RNF13: variants seen among roughly 807,000 people sequenced by gnomAD.
RNF13 encodes ring finger protein 13, also known as E3 ubiquitin-protein ligase RNF13.
In RNF13, 19 loss-of-function variants were observed where a neutral mutation model predicts 37.7. The ratio of observed to expected loss-of-function variants is 0.50; its 90% CI spans 0.35 to 0.74. The LOEUF (loss-of-function observed/expected upper bound fraction) is 0.74. Ranked by LOEUF, RNF13 falls within the 30% of genes least tolerant of loss-of-function variation. The pLI, the probability that RNF13 is intolerant of heterozygous loss-of-function variation, is 0.01. For synonymous variants in RNF13, 144 were observed against 157.8 expected, an observed-to-expected ratio of 0.91 and a Z score of 0.65; for missense variants, 375 against 453.0, an observed-to-expected ratio of 0.83 and a Z score of 1.56.
At chr3:149,888,151 A>C (rs1039784581) in intron 4 of RNF13, among the ~76,000 whole-genome samples, 4 of 152,188 alleles carry the variant, frequency 2.6e-5, no homozygotes, top group Non-Finnish European at 5.9e-5. Context: ...TTCTACTTCT[A>C]TTCTTATTAG....
chr3:149,838,370 C>G (rs1721844184), intron 1 of RNF13, among the ~76,000 whole-genome samples: 1 of 152,238 alleles, frequency 6.6e-6, no homozygotes, highest in Non-Finnish European at 1.5e-5. Context: ...CCATATTTCT[C>G]TTCCACACTG....
Position 149,871,999 on chromosome 3 carries a change from G to A in RNF13, c.196-30G>A, listed in dbSNP as rs771492127. 17 of 1,562,452 alleles carry A rather than the reference G, an allele frequency of 1.1e-5. No homozygotes were observed. In the Admixed American group the frequency reaches 3.2e-4, roughly 29 times the overall value. On this transcript the variant is annotated intron_variant, in intron 3 of 9. Transcript: ENST00000392894. ...GTTGATTGATTTACTGAGTGAAACA[G>A]AGAGATAATTTTTACCAATTCTTTT...
chr3:149,896,189 C>G (rs1715241660), intron 5 of RNF13, among the ~76,000 whole-genome samples: 1 of 152,142 alleles, frequency 6.6e-6, no homozygotes, highest in Admixed American at 6.5e-5. Context: ...TTTATCAAAA[C>G]CTTTCTAATT....
rs763791122 is a variant in RNF13 at position 149,852,535 on chromosome 3, C to G, written c.134C>G (p.Ser45Cys). 1.9e-6 allele frequency: 3 copies of G among 1,551,338 alleles called. No homozygotes were observed. The highest frequency in any genetic ancestry group is 2.5e-5 in the South Asian group (2 of 80,458). The stretch of plus-strand genomic sequence containing the variant: ...TTTTAGTATAACTTTGAAAATGCAT[C>G]TCAGACATTTGATGACCTCCCTGCA... ...DILAYNFENA[S>C]QTFDDLPARF... Residue 45 changes from serine to cysteine, a missense_variant, in exon 3 of 10, where the codon TCT becomes TGT. Coordinates refer to ENST00000392894, the MANE Select transcript of RNF13 (RefSeq NM_183381.3).
In RNF13 at chr3:149,926,953, G is replaced by T. The variant is rs190029852; in HGVS notation, c.700+5726G>T. On this transcript the variant is annotated intron_variant, in intron 8 of 9. Transcript: ENST00000392894. The stretch of plus-strand genomic sequence containing the variant: ...TAAAGGTAAAAATCGAATTGTCAAG[G>T]CCACCCCACCTCCAAATATATGCAC... 1.1e-4 allele frequency among the ~76,000 whole-genome samples: 17 copies of T among 152,018 alleles called. 1 individual carries two copies. In the East Asian group the frequency reaches 3.3e-3, roughly 29 times the overall value.
intron 4 of RNF13, among the ~76,000 whole-genome samples, chr3:149,886,194 GATACCTTTGTCTCTT>G (rs1454645109): frequency 6.6e-6 from 1 of 152,106 alleles, no homozygotes; most frequent in Non-Finnish European, 1.5e-5. Flanking sequence ...TTTTGCTGAG[GATACCTTTGTCTCTT>G]CTTGGTCTTT....
At chr3:149,892,259 G>A (rs1576832655) in intron 4 of RNF13, among the ~76,000 whole-genome samples, 1 of 152,144 alleles carries the variant, frequency 6.6e-6, no homozygotes, top group East Asian at 1.9e-4. Flanking sequence ...AGAAACAAGT[G>A]CATTTTGGAT....
At chr3:149,943,063 G>A (rs559971271) in intron 8 of RNF13, among the ~76,000 whole-genome samples, 1 of 152,106 alleles carries the variant, frequency 6.6e-6, no homozygotes, top group African/African-American at 2.4e-5. Flanking sequence ...TCCTTTTAAT[G>A]TACTGTTGAA....
At chr3:149,861,211 A>G (rs915329976) in intron 3 of RNF13, among the ~76,000 whole-genome samples, 2 of 152,060 alleles carry the variant, frequency 1.3e-5, no homozygotes, top group African/African-American at 4.8e-5. Flanking sequence ...AGATTTAAAA[A>G]AAAAAACTTA....
At chr3:149,954,233 C>T (rs191030673) in intron 8 of RNF13, among the ~76,000 whole-genome samples, 2 of 151,968 alleles carry the variant, frequency 1.3e-5, no homozygotes, top group Non-Finnish European at 2.9e-5. Flanking sequence ...GCAATTTTCT[C>T]CTTATTGCAT....
At chr3:149,853,665 A>T (rs1227157430) in intron 3 of RNF13, among the ~76,000 whole-genome samples, 2 of 137,300 alleles carry the variant, frequency 1.5e-5, no homozygotes, top group Non-Finnish European at 3.1e-5. Context: ...AAGATTTCAA[A>T]AGTTTTGTTT....
intron 3 of RNF13, among the ~76,000 whole-genome samples, chr3:149,860,270 A>AAAAATATATATAT (rs1302318768): frequency 9.6e-6 from 1 of 104,116 alleles, no homozygotes; most frequent in African/African-American, 4.2e-5. Context: ...AAAAAAAAAA[A>AAAAATATATATAT]ATATATATAT....
intron 8 of RNF13, among the ~76,000 whole-genome samples, chr3:149,945,732 A>G (rs920927883): frequency 4.8e-4 from 73 of 152,284 alleles, no homozygotes; most frequent in African/African-American, 1.8e-3. Context: ...CTGGAGGAAC[A>G]ATCTGGCAGC....
chr3:149,861,989 T>C (rs6762307), intron 3 of RNF13, among the ~76,000 whole-genome samples: 25,996 of 152,010 alleles, frequency 0.17, 3,178 homozygotes, highest in African/African-American at 0.34. Flanking sequence ...TAATGGTAGA[T>C]GTTTGGGTAC....
At chr3:149,939,831 G>A in intron 8 of RNF13, 1 of 530,208 alleles carries the variant, frequency 1.9e-6, no homozygotes, top group South Asian at 1.5e-5. Context: ...GGGAGAGAAG[G>A]TGGACAGAGA....
intron 1 of RNF13, among the ~76,000 whole-genome samples, chr3:149,835,633 TTGTGTGTGTG>T (rs3039646): frequency 1.5e-3 from 202 of 138,834 alleles, no homozygotes; most frequent in African/African-American, 4.4e-3. Context: ...TAGTATTCCA[TTGTGTGTGTG>T]TGTGTGTGTG....
At chr3:149,882,000 T>C (rs1462244636) in intron 4 of RNF13, among the ~76,000 whole-genome samples, 1 of 152,144 alleles carries the variant, frequency 6.6e-6, no homozygotes, top group Admixed American at 6.5e-5. Context: ...CTTATCGGGT[T>C]TAGTTCTTTT....
intron 1 of RNF13, among the ~76,000 whole-genome samples, chr3:149,829,797 C>CA (rs2108334117): frequency 6.6e-6 from 1 of 152,260 alleles, no homozygotes; most frequent in South Asian, 2.1e-4. Context: ...TGTTCCCACC[C>CA]AAATCACATT....
rs145825011 is a variant in RNF13 at position 149,856,480 on chromosome 3, A to G, written c.195+3884A>G. On this transcript the variant is annotated intron_variant, in intron 3 of 9. Transcript: ENST00000392894. Reference sequence around the variant, plus strand: ...TTTTTTTGAGACAGAGTCTCGCCCTATTGCCCAGCCTGGAGTGCAGTGGCA... The same window carrying G: ...TTTTTTTGAGACAGAGTCTCGCCCTGTTGCCCAGCCTGGAGTGCAGTGGCA... Among the ~76,000 whole-genome samples, 535 of 145,278 alleles carry G rather than the reference A, an allele frequency of 3.7e-3. 5 individuals are homozygous for G. The highest frequency in any genetic ancestry group is 0.013 in the African/African-American group (509 of 39,184).
Sources: gnomAD v4.1 joint callset for allele counts (sites outside exome capture counted in the v4.1 genomes callset) on GRCh38, gnomAD v4.1.1 for gene constraint, MANE v1.5 for transcripts, NCBI Gene and HGNC (gene_info 2026-07-23, HGNC 2026-07-21) for gene names.